HS6ST1: variants seen among roughly 807,000 people sequenced by gnomAD.
HS6ST1 encodes the protein heparan-sulfate 6-O-sulfotransferase 1.
Under a neutral mutation model 25.2 loss-of-function variants are expected in HS6ST1, and 3 were observed. The observed-to-expected ratio is 0.12, with a 90% confidence interval of 0.05 to 0.31. The LOEUF is 0.31. Among genes scored for constraint, HS6ST1 ranks in the 10% least tolerant of loss-of-function variants. The pLI, the probability that HS6ST1 is intolerant of heterozygous loss-of-function variation, is 1.00. For missense variants in HS6ST1, 310 were observed against 609.6 expected, an observed-to-expected ratio of 0.51 and a Z score of 5.18; for synonymous variants, 204 against 275.1, an observed-to-expected ratio of 0.74 and a Z score of 2.56.
chr2:128,272,582 TCTGC>T (rs1451630082), intron 1 of HS6ST1, among the ~76,000 whole-genome samples: 1 of 152,126 alleles, frequency 6.6e-6, no homozygotes, highest in African/African-American at 2.4e-5. Flanking sequence ...CAAAGGCCTC[TCTGC>T]CTGCGCCTGC....
intron 1 of HS6ST1, among the ~76,000 whole-genome samples, chr2:128,279,330 C>CTT (rs61670210): frequency 0.063 from 7,892 of 124,552 alleles, 474 homozygotes; most frequent in African/African-American, 0.17. Context: ...ATGACAGAAC[C>CTT]TTTTTTTTTT....
intron 1 of HS6ST1, chr2:128,289,862 A>G (rs1693926979): frequency 6.6e-6 from 1 of 152,266 alleles, no homozygotes; most frequent in African/African-American, 2.4e-5. Flanking sequence ...GATAGCTGTC[A>G]GTCAAATTAT....
intron 1 of HS6ST1, among the ~76,000 whole-genome samples, chr2:128,271,647 A>C (rs1197278214): frequency 1.3e-5 from 2 of 152,186 alleles, no homozygotes; most frequent in Non-Finnish European, 2.9e-5. Context: ...GCTTCATGGC[A>C]GGACAGACTC....
At chr2:128,269,724 G>T (rs1208271434) in intron 1 of HS6ST1, among the ~76,000 whole-genome samples, 1 of 152,192 alleles carries the variant, frequency 6.6e-6, no homozygotes, top group East Asian at 1.9e-4. Flanking sequence ...GGGTGGGTGG[G>T]CTTCAGGCCA....
chr2:128,317,789 G>A (rs994581998), intron 1 of HS6ST1, among the ~76,000 whole-genome samples: 1 of 152,218 alleles, frequency 6.6e-6, no homozygotes. Context: ...CAGTCAAGCC[G>A]GCAGTAGGGC....
chr2:128,279,992 G>A (rs1212346352), intron 1 of HS6ST1, among the ~76,000 whole-genome samples: 3 of 152,184 alleles, frequency 2.0e-5, no homozygotes, highest in Non-Finnish European at 2.9e-5. Flanking sequence ...TCCGGAAAGC[G>A]ACCGGGCCTC....
intron 1 of HS6ST1, among the ~76,000 whole-genome samples, chr2:128,295,327 G>A (rs1400297576): frequency 6.6e-6 from 1 of 152,226 alleles, no homozygotes; most frequent in Admixed American, 6.5e-5. Context: ...GAGGAGTCAG[G>A]CACAGTGAGG....
chr2:128,285,870 T>C (rs1693853582), intron 1 of HS6ST1, among the ~76,000 whole-genome samples: 1 of 152,208 alleles, frequency 6.6e-6, no homozygotes, highest in South Asian at 2.1e-4. Context: ...AGGTGCCGTC[T>C]GCCCCAAAAT....
At chr2:128,293,046 T>C (rs1693980533) in intron 1 of HS6ST1, among the ~76,000 whole-genome samples, 1 of 152,164 alleles carries the variant, frequency 6.6e-6, no homozygotes. Context: ...ACAGCCTGTG[T>C]GGTTCCACCC....
chr2:128,311,062 C>G (rs1016239265), intron 1 of HS6ST1, among the ~76,000 whole-genome samples: 1 of 152,164 alleles, frequency 6.6e-6, no homozygotes, highest in Admixed American at 6.5e-5. Context: ...CCTCAGGGCA[C>G]TGCAGCCCAC....
intron 1 of HS6ST1, among the ~76,000 whole-genome samples, chr2:128,279,082 C>T (rs912147727): frequency 7.2e-5 from 11 of 152,154 alleles, no homozygotes; most frequent in African/African-American, 1.7e-4. Context: ...GGCCATTAGA[C>T]GGGGCCGGCC....
intron 1 of HS6ST1, among the ~76,000 whole-genome samples, chr2:128,299,588 CAG>C (rs1694091889): frequency 6.6e-6 from 1 of 152,200 alleles, no homozygotes; most frequent in Non-Finnish European, 1.5e-5. Flanking sequence ...GAAACTGAAG[CAG>C]AGAGCTCACA....
chr2:128,290,179 A>G (rs969583130), intron 1 of HS6ST1: 3 of 152,182 alleles, frequency 2.0e-5, no homozygotes, highest in African/African-American at 4.8e-5. Context: ...CTTTACTACC[A>G]TTTCAACGAC....
chr2:128,281,915 G>A (rs2104918089), intron 1 of HS6ST1, among the ~76,000 whole-genome samples: 1 of 152,352 alleles, frequency 6.6e-6, no homozygotes, highest in Non-Finnish European at 1.5e-5. Flanking sequence ...ACCCAGAGAG[G>A]TTCAATAACT....
intron 1 of HS6ST1, chr2:128,289,734 A>G (rs1178587425): frequency 6.6e-6 from 1 of 152,254 alleles, no homozygotes; most frequent in Non-Finnish European, 1.5e-5. Flanking sequence ...GACGCTCGGC[A>G]TGAGGATGGG....
In HS6ST1 at chr2:128,278,527, TG is replaced by T. The variant is rs1345418555; in HGVS notation, c.528-9658del. On this transcript the variant is annotated intron_variant, in intron 1 of 1. Transcript: ENST00000259241. ...CAGGGCTGCCTCAGAGGGTGTGCAC[TG>T]GAGTGTGAGCTGTCACAGGGAGTCA... 4.6e-5 allele frequency among the ~76,000 whole-genome samples: 7 copies of T among 152,230 alleles called. No homozygotes were observed. In the Middle Eastern group the frequency reaches 0.014, roughly 296 times the overall value.
chr2:128,268,943 C>A, intron 1 of HS6ST1, 73 bp from the exon 2 acceptor site: 1 of 1,283,824 alleles, frequency 7.8e-7, no homozygotes, highest in South Asian at 1.2e-5. Flanking sequence ...TGCTCTGAGT[C>A]AAAGTCCCCA....
At chr2:128,275,145 A>C (rs58895092) in intron 1 of HS6ST1, among the ~76,000 whole-genome samples, 1,646 of 152,254 alleles carry the variant, frequency 0.011, 27 homozygotes, top group African/African-American at 0.036. Context: ...ACATAGCAAT[A>C]ATTAATTCCA....
Position 128,296,701 on chromosome 2 carries a change from T to C in HS6ST1, c.527+21336A>G, listed in dbSNP as rs190986307. ...TAAACTAAAAACTACAAAACACTGATGAAAGAAATTAAAGACAACCCCAGT... is the reference window on the plus strand; with the variant it reads ...TAAACTAAAAACTACAAAACACTGACGAAAGAAATTAAAGACAACCCCAGT... On this transcript the variant is annotated intron_variant, in intron 1 of 1. Transcript: ENST00000259241. 2.2e-4 allele frequency among the ~76,000 whole-genome samples: 33 copies of C among 152,226 alleles called. No homozygotes were observed. The East Asian group carries it at 5.8e-3, about 27-fold the overall frequency.
Sources: gnomAD v4.1 joint callset for allele counts (sites outside exome capture counted in the v4.1 genomes callset) on GRCh38, gnomAD v4.1.1 for gene constraint, MANE v1.5 for transcripts, NCBI Gene and HGNC (gene_info 2026-07-23, HGNC 2026-07-21) for gene names.